CYP24A1: variants seen among roughly 807,000 people sequenced by gnomAD.
CYP24A1 encodes cytochrome P450 family 24 subfamily A member 1, also known as 1,25-dihydroxyvitamin D(3) 24-hydroxylase, mitochondrial.
In CYP24A1, 68 loss-of-function variants were observed where a neutral mutation model predicts 62.4. That is an observed-to-expected ratio of 1.09 (90% CI 0.90 to 1.33). The LOEUF is 1.33. Among genes scored for constraint, CYP24A1 ranks in the 40% most tolerant of loss-of-function variants. The pLI, the probability that CYP24A1 is intolerant of heterozygous loss-of-function variation, is 0.00. For missense variants in CYP24A1, 787 were observed against 653.0 expected (o/e 1.21, Z -2.24); for synonymous variants, 267 against 253.0 (o/e 1.06, Z -0.52).
intron 9 of CYP24A1, 74 bp downstream of exon 9, chr20:54,158,012 G>A: frequency 2.5e-6 from 4 of 1,597,088 alleles, no homozygotes; most frequent in Non-Finnish European, 3.4e-6. Flanking sequence ...CAAAGTCTAG[G>A]GAGATCTGGT....
rs372360343 is a variant in CYP24A1, at chr20:54,173,104, A to T, written c.259-5T>A. The T allele has an allele frequency of 4.3e-5, 69 of 1,601,806 alleles. No individual in the cohort carries two copies. The highest frequency in any genetic ancestry group is 5.8e-5 in the Non-Finnish European group (68 of 1,179,872). On this transcript the variant is annotated splice_polypyrimidine_tract_variant and splice_region_variant and intron_variant, in intron 1 of 11. Coordinates refer to ENST00000216862, the MANE Select transcript of CYP24A1 (RefSeq NM_000782.5). This position sits in a 1 kb window ranked among gnomAD's most constrained non-coding sequence, Gnocchi z 7.2. ...ATACTTCTTGTGGTACTCCACCTGC[A>T]GCCGGCCGGGCACAGCGCGGTGTCA...
downstream of CYP24A1, among the ~76,000 whole-genome samples, chr20:54,150,129 A>G (rs879942804): frequency 2.0e-5 from 3 of 152,230 alleles, no homozygotes; most frequent in Non-Finnish European, 4.4e-5. Flanking sequence ...AACCTCTGGC[A>G]TAAATGGGTT....
intron 8 of CYP24A1, 42 bp downstream of exon 8, chr20:54,158,915 G>A (rs1249870788): frequency 3.1e-6 from 5 of 1,614,072 alleles, no homozygotes; most frequent in Non-Finnish European, 4.2e-6. Flanking sequence ...TACGAGAACA[G>A]TGTTCTAACA....
chr20:54,150,725 T>A (rs900461030), downstream of CYP24A1, among the ~76,000 whole-genome samples: 3 of 152,256 alleles, frequency 2.0e-5, no homozygotes, highest in African/African-American at 7.2e-5. Flanking sequence ...TTAACCTCTC[T>A]GAGCCTTAGC....
At chr20:54,169,842 C>A (rs1228906040) in intron 3 of CYP24A1, among the ~76,000 whole-genome samples, 154 bp from the exon 4 acceptor site, 1 of 152,202 alleles carries the variant, frequency 6.6e-6, no homozygotes, top group Non-Finnish European at 1.5e-5. Context: ...ATATATTCTC[C>A]CTGGGAACCC....
rs886056790 is a variant in CYP24A1, at chr20:54,173,596, G to A, written c.-17C>T. On this transcript the variant is annotated 5_prime_UTR_variant, in exon 1 of 12. Coordinates refer to ENST00000216862, the MANE Select transcript of CYP24A1 (RefSeq NM_000782.5). This position sits in a 1 kb window ranked among gnomAD's most constrained non-coding sequence, Gnocchi z 7.2. Reference sequence around the variant, plus strand: ...GGAGCTCATGGCAGCGGGGGACACCGGAGCGCGGGAAGGCAGGAGGATGGG... The same window carrying A: ...GGAGCTCATGGCAGCGGGGGACACCAGAGCGCGGGAAGGCAGGAGGATGGG... The A allele has an allele frequency of 1.9e-6, 3 of 1,560,282 alleles. No individual in the cohort carries two copies. In the East Asian group the frequency reaches 6.9e-5, roughly 36 times the overall value.
intron 4 of CYP24A1, among the ~76,000 whole-genome samples, chr20:54,168,237 C>T (rs2092679527): frequency 6.6e-6 from 1 of 152,242 alleles, no homozygotes; most frequent in Non-Finnish European, 1.5e-5. Flanking sequence ...CACCTGATCA[C>T]AGCTGCCTGC....
Position 54,173,419 on chromosome 20 carries a change from T to C in CYP24A1, c.161A>G (p.Asn54Ser), listed in dbSNP as rs1447926920. 1.9e-6 allele frequency: 3 copies of C among 1,573,872 alleles called. No homozygotes were observed. The highest frequency in any genetic ancestry group is 2.6e-6 in the Non-Finnish European group (3 of 1,158,972). ...CPLTAGGETQ[N>S]AAALPGPTSW... ...GGTGGGGCCCGGCAGGGCGGCCGCGTTCTGAGTCTCGCCACCAGCTGTCAG... is the reference window on the plus strand; with the variant it reads ...GGTGGGGCCCGGCAGGGCGGCCGCGCTCTGAGTCTCGCCACCAGCTGTCAG... Residue 54 changes from asparagine (N) to serine (S), a missense_variant, in exon 1 of 12, where the codon AAC becomes AGC. Transcript: ENST00000216862. The surrounding 1 kb of genome is among the most constrained non-coding windows in gnomAD (Gnocchi z 7.2).
chr20:54,165,557 G>T (rs1003775148), intron 5 of CYP24A1, among the ~76,000 whole-genome samples, 185 bp downstream of exon 5: 2 of 152,198 alleles, frequency 1.3e-5, no homozygotes, highest in African/African-American at 4.8e-5. Flanking sequence ...TGCCAAAAAG[G>T]TTGGAGACAG....
chr20:54,147,697 T>G, the CYP24A1 span, among the ~76,000 whole-genome samples: 1 of 152,222 alleles, frequency 6.6e-6, no homozygotes, highest in East Asian at 1.9e-4. Context: ...TCTCAACAAC[T>G]GTATGAAATA....
the CYP24A1 span, among the ~76,000 whole-genome samples, chr20:54,147,446 G>A: frequency 1.3e-5 from 2 of 152,196 alleles, no homozygotes; most frequent in Non-Finnish European, 2.9e-5. Context: ...AGGACTCAAT[G>A]TTGGGGACCG....
rs147642444 is a variant in CYP24A1 at position 54,173,045 on chromosome 20, C to T, written c.313G>A (p.Glu105Lys). The change falls in exon 2 of 12, where the codon GAG becomes AAG. Residue 105 changes from glutamate (E) to lysine (K), a missense_variant. Coordinates refer to ENST00000216862, the MANE Select transcript of CYP24A1 (RefSeq NM_000782.5). The surrounding 1 kb of genome is among the most constrained non-coding windows in gnomAD (Gnocchi z 7.2). The stretch of plus-strand genomic sequence containing the variant: ...CATGGCGAGCCCAGGTGCACCGACT[C>T]AAAGGAACCCAACTTCATGCGGAAA... ...KIFRMKLGSF[E>K]SVHLGSPCLL... 1.9e-6 allele frequency: 3 copies of T among 1,608,250 alleles called. No homozygotes were observed. In the African/African-American group the frequency reaches 4.0e-5, roughly 21 times the overall value.
rs201409178 is a variant in CYP24A1, at chr20:54,171,681, A to G, written c.450-11T>C. On this transcript the variant is annotated splice_polypyrimidine_tract_variant and intron_variant, in intron 2 of 11. Coordinates refer to ENST00000216862, the MANE Select transcript of CYP24A1 (RefSeq NM_000782.5). The stretch of plus-strand genomic sequence containing the variant: ...CAGTCTTCCCCTTCCCTGTGAGAGA[A>G]GCAGGAATACATTTAGAGCACACTG... The G allele has an allele frequency of 1.2e-6, 2 of 1,614,010 alleles. No individual in the cohort carries two copies. The highest frequency in any genetic ancestry group is 1.7e-6 in the Non-Finnish European group (2 of 1,179,908).
intron 7 of CYP24A1, among the ~76,000 whole-genome samples, chr20:54,162,238 T>TG (rs1568968851): frequency 3.1e-4 from 41 of 133,910 alleles, no homozygotes; most frequent in Non-Finnish European, 6.4e-4. Flanking sequence ...TTTTTTTTTT[T>TG]TTTTTTTTTT....
At chr20:54,152,331 A>G (rs2092613878), downstream of CYP24A1, among the ~76,000 whole-genome samples, 3 of 152,352 alleles carry the variant, frequency 2.0e-5, no homozygotes, top group South Asian at 4.1e-4. Context: ...CTGAGCTGCA[A>G]TGTACACTCC....
Position 54,162,768 on chromosome 20 carries a change from CTT to C in CYP24A1, c.937_938del (p.Lys313GlufsTer32). The C allele has an allele frequency of 6.3e-7, 1 of 1,590,026 alleles. No homozygotes were observed. The highest frequency in any genetic ancestry group is 1.1e-5 in the South Asian group (1 of 90,580). ...CDIYHQNRLS[K>X]KELYAAVTEL... ...CTGTGACAGCAGCATACAATTCTTT[CTT>C]TGAAAGCCGATTCTGGTGATAAATG... On this transcript the variant is annotated frameshift_variant, in exon 7 of 12. Transcript: ENST00000216862. LOFTEE classifies it high-confidence loss of function.
At chr20:54,144,145 G>T in the CYP24A1 span, among the ~76,000 whole-genome samples, 1 of 151,994 alleles carries the variant, frequency 6.6e-6, no homozygotes, top group Non-Finnish European at 1.5e-5. Flanking sequence ...CTTGCTCAGG[G>T]TTTAATTCTT....
rs907763700 is a variant in CYP24A1, at chr20:54,173,201, C to T, written c.259-102G>A. On this transcript the variant is annotated intron_variant, in intron 1 of 11. Transcript: ENST00000216862. This position sits in a 1 kb window ranked among gnomAD's most constrained non-coding sequence, Gnocchi z 7.2. ...CCTTCCTCCTAGGGGACCGGGGACC[C>T]TCCCTGCCCAGACGCCGAAGCGCAC... 1 of 1,536,644 alleles carries T rather than the reference C, an allele frequency of 6.5e-7. No homozygotes were observed.
chr20:54,145,088 G>A, the CYP24A1 span, among the ~76,000 whole-genome samples: 1 of 152,112 alleles, frequency 6.6e-6, no homozygotes, highest in Non-Finnish European at 1.5e-5. Context: ...AAGTATGCTA[G>A]AATAGCTTAT....
Sources: gnomAD v4.1 joint callset for allele counts (sites outside exome capture counted in the v4.1 genomes callset) on GRCh38, gnomAD v4.1.1 for gene constraint, Gnocchi (gnomAD v3.1) non-coding constraint, MANE v1.5 for transcripts, NCBI Gene and HGNC (gene_info 2026-07-23, HGNC 2026-07-21) for gene names.